LIMA1: variants seen among roughly 807,000 people sequenced by gnomAD.
LIMA1 encodes the protein LIM domain and actin-binding protein 1.
A neutral mutation model predicts 62.6 loss-of-function variants in LIMA1; 52 were observed. The ratio of observed to expected loss-of-function variants is 0.83; its 90% CI spans 0.67 to 1.05. The LOEUF (loss-of-function observed/expected upper bound fraction) is 1.05, where lower values mean the gene tolerates loss of function less well. Among genes scored for constraint, LIMA1 ranks in the 50% least tolerant of loss-of-function variants. The probability of loss-of-function intolerance (pLI) is 0.00; values close to 1 mark genes in which losing one functional copy is unlikely to be tolerated. For synonymous variants in LIMA1, 302 were observed against 317.8 expected (o/e 0.95, Z 0.53); for missense variants, 780 against 902.2 (o/e 0.86, Z 1.74).
intron 4 of LIMA1, among the ~76,000 whole-genome samples, chr12:50,206,895 T>TG (rs1182007287): frequency 1.3e-5 from 2 of 152,122 alleles, no homozygotes; most frequent in Non-Finnish European, 2.9e-5. Context: ...TTTGTCCATA[T>TG]ATTTCCAGGA....
intron 1 of LIMA1, among the ~76,000 whole-genome samples, chr12:50,254,121 C>T (rs1592557670): frequency 6.6e-6 from 1 of 152,046 alleles, no homozygotes; most frequent in Admixed American, 6.6e-5. Context: ...TTTCAGACTC[C>T]AAAACCCATT....
chr12:50,278,871 T>C (rs1240240506), intron 1 of LIMA1, among the ~76,000 whole-genome samples: 3 of 152,192 alleles, frequency 2.0e-5, no homozygotes, highest in Admixed American at 1.3e-4. Context: ...TATGTGAGTG[T>C]GTGTATATCA....
intron 9 of LIMA1, chr12:50,185,284 C>T: frequency 4.5e-6 from 2 of 442,404 alleles, no homozygotes; most frequent in South Asian, 3.2e-5. Context: ...CAGAGCACTC[C>T]TCCATCACAA....
At chr12:50,178,546 G>GA (rs1023623195) in intron 10 of LIMA1, among the ~76,000 whole-genome samples, 42 of 144,970 alleles carry the variant, frequency 2.9e-4, no homozygotes, top group African/African-American at 9.4e-4. Flanking sequence ...AAAAAAAAAA[G>GA]AAAAAAAAAC....
chr12:50,205,807 A>C (rs924491450), intron 5 of LIMA1, among the ~76,000 whole-genome samples, 177 bp downstream of exon 5: 7 of 152,128 alleles, frequency 4.6e-5, no homozygotes, highest in African/African-American at 1.7e-4. Flanking sequence ...AAAAAAAAAA[A>C]AAAAAAAAGC....
chr12:50,239,942 C>A (rs1364542832), intron 2 of LIMA1, among the ~76,000 whole-genome samples: 1 of 151,786 alleles, frequency 6.6e-6, no homozygotes, highest in Non-Finnish European at 1.5e-5. Context: ...TGCAGTGTGC[C>A]GTGATGGCGC....
intron 1 of LIMA1, among the ~76,000 whole-genome samples, chr12:50,260,994 A>T: frequency 8.6e-6 from 1 of 116,684 alleles, no homozygotes; most frequent in Admixed American, 9.7e-5. Context: ...ATGCTATTTT[A>T]CCCCTCTCCC....
At chr12:50,204,485 C>T in intron 6 of LIMA1, 67 bp downstream of exon 6, 9 of 1,531,586 alleles carry the variant, frequency 5.9e-6, no homozygotes, top group Non-Finnish European at 7.1e-6. Context: ...TTTCCTAATT[C>T]CAGTACTCAG....
chr12:50,248,355 T>C (rs948649550), intron 2 of LIMA1, among the ~76,000 whole-genome samples: 12 of 152,240 alleles, frequency 7.9e-5, no homozygotes, highest in African/African-American at 2.9e-4. Flanking sequence ...GACTTGCTGA[T>C]ATTTTGCTTT....
At chr12:50,217,807 C>T in intron 4 of LIMA1, 1 of 301,026 alleles carries the variant, frequency 3.3e-6, no homozygotes. Context: ...TCACATCCAG[C>T]CTGGGAAGTA....
intron 4 of LIMA1, among the ~76,000 whole-genome samples, chr12:50,207,310 GA>G (rs1312246790): frequency 6.6e-6 from 1 of 152,102 alleles, no homozygotes; most frequent in African/African-American, 2.4e-5. Context: ...GATCTTTAAT[GA>G]AAGTTACAAA....
In LIMA1 at chr12:50,177,048, G is replaced by T. The variant is rs1364809928; in HGVS notation, c.*16C>A. On this transcript the variant is annotated 3_prime_UTR_variant, in exon 11 of 11. Transcript: ENST00000341247. ...AACACTAACATGAATTTAAGGCCCA[G>T]CATCATTGCAATTTGTCACTCTTCA... The T allele has an allele frequency of 6.5e-7, 1 of 1,531,846 alleles. No individual in the cohort carries two copies. The highest frequency in any genetic ancestry group is 8.8e-7 in the Non-Finnish European group (1 of 1,141,130). 94.9% of individuals were successfully genotyped at this position (1,531,846 alleles called of 1,614,324 possible).
chr12:50,257,377 G>A (rs1942010417), intron 1 of LIMA1, among the ~76,000 whole-genome samples: 1 of 152,188 alleles, frequency 6.6e-6, no homozygotes, highest in Non-Finnish European at 1.5e-5. Context: ...GATCAACTCA[G>A]TATACCACTG....
intron 9 of LIMA1, among the ~76,000 whole-genome samples, chr12:50,191,682 G>A (rs563485181): frequency 2.0e-5 from 3 of 152,118 alleles, no homozygotes; most frequent in East Asian, 1.9e-4. Flanking sequence ...TTAGCCGGGC[G>A]TAGTGGCAGG....
At chr12:50,229,600 G>A (rs1265675143) in intron 3 of LIMA1, among the ~76,000 whole-genome samples, 1 of 152,050 alleles carries the variant, frequency 6.6e-6, no homozygotes, top group African/African-American at 2.4e-5. Context: ...TGTAAATGAC[G>A]AGTTAATGGG....
chr12:50,260,884 C>T, intron 1 of LIMA1, among the ~76,000 whole-genome samples: 1 of 137,798 alleles, frequency 7.3e-6, no homozygotes, highest in African/African-American at 2.8e-5. Flanking sequence ...GATCTCTCAC[C>T]ACGAACACTA....
rs368984266 is a variant in LIMA1 at position 50,267,772 on chromosome 12, C to T, written c.-24+15648G>A. On this transcript the variant is annotated intron_variant, in intron 1 of 10. Transcript: ENST00000341247. ...TGACCTTGTGATCCACCTGCCTCGGCCTCCCAAAGTGCTGGGATTACAGGC... is the reference window on the plus strand; with the variant it reads ...TGACCTTGTGATCCACCTGCCTCGGTCTCCCAAAGTGCTGGGATTACAGGC... Among the ~76,000 whole-genome samples the T allele has an allele frequency of 2.3e-4, 35 of 152,204 alleles. No homozygotes were observed. In the East Asian group the frequency reaches 2.9e-3, roughly 13 times the overall value.
intron 10 of LIMA1, 59 bp from the exon 11 acceptor site, chr12:50,178,128 A>G: frequency 7.6e-7 from 1 of 1,309,226 alleles, no homozygotes; most frequent in Non-Finnish European, 1.0e-6. Context: ...CACTTATACC[A>G]GGAGGCTAAA....
intron 2 of LIMA1, among the ~76,000 whole-genome samples, chr12:50,247,881 G>A (rs1295863616): frequency 6.6e-5 from 10 of 151,884 alleles, no homozygotes; most frequent in African/African-American, 2.2e-4. Context: ...CACCCACCTC[G>A]GCCTCCCAAA....
Sources: gnomAD v4.1 joint callset for allele counts (sites outside exome capture counted in the v4.1 genomes callset) on GRCh38, gnomAD v4.1.1 for gene constraint, MANE v1.5 for transcripts, NCBI Gene and HGNC (gene_info 2026-07-23, HGNC 2026-07-21) for gene names.